The following RBFOX1 variants were observed in gnomAD, a reference collection of about 807,000 sequenced individuals.
RBFOX1 encodes RNA binding protein fox-1 homolog 1.
Under a neutral mutation model 57.7 loss-of-function variants are expected in RBFOX1, and 8 were observed. That is an observed-to-expected ratio of 0.14 (90% confidence interval 0.08 to 0.25). The LOEUF is 0.25. Among genes scored for constraint, RBFOX1 ranks in the 10% least tolerant of loss-of-function variants. The pLI is 1.00. For synonymous variants in RBFOX1, 326 were observed against 222.4 expected (o/e 1.47, Z -4.15); for missense variants, 611 against 548.5 (o/e 1.11, Z -1.14).
intron 3 of RBFOX1, among the ~76,000 whole-genome samples, chr16:6,750,490 C>T (rs1039987232): frequency 6.6e-6 from 1 of 152,190 alleles, no homozygotes; most frequent in African/African-American, 2.4e-5. Context: ...TATTTCTTGA[C>T]ATATGTTTCT....
chr16:6,986,034 C>T (rs1005748600), intron 3 of RBFOX1, among the ~76,000 whole-genome samples: 5 of 151,374 alleles, frequency 3.3e-5, no homozygotes, highest in African/African-American at 9.7e-5. Context: ...TTTAGAGAAC[C>T]TGCATATCTC....
intron 3 of RBFOX1, among the ~76,000 whole-genome samples, chr16:6,813,598 C>T (rs1385218211): frequency 1.3e-5 from 2 of 152,206 alleles, no homozygotes; most frequent in Admixed American, 6.5e-5. Flanking sequence ...AAACCTCTCT[C>T]TCCACAGGTG....
intron 2 of RBFOX1, among the ~76,000 whole-genome samples, chr16:6,497,321 G>C (rs1215992753): frequency 6.6e-6 from 1 of 152,114 alleles, no homozygotes; most frequent in Non-Finnish European, 1.5e-5. Flanking sequence ...GATGCAGTAT[G>C]TTGTTGAGAT....
chr16:6,904,028 CACCT>C (rs892787672), intron 3 of RBFOX1, among the ~76,000 whole-genome samples: 1 of 152,100 alleles, frequency 6.6e-6, no homozygotes, highest in Non-Finnish European at 1.5e-5. Flanking sequence ...CAAATGCCCC[CACCT>C]GAGGTCATAC....
chr16:7,264,202 G>A (rs1444232037), intron 4 of RBFOX1, among the ~76,000 whole-genome samples: 1 of 152,162 alleles, frequency 6.6e-6, no homozygotes, highest in Non-Finnish European at 1.5e-5. Context: ...CCAGTAAACT[G>A]TGTTCCTTCA....
At chr16:6,636,813 A>C (rs1448222931) in intron 2 of RBFOX1, among the ~76,000 whole-genome samples, 1 of 44,252 alleles carries the variant, frequency 2.3e-5, no homozygotes, top group Non-Finnish European at 5.0e-5. Context: ...TATAATATAT[A>C]ATATATAATA....
intron 3 of RBFOX1, among the ~76,000 whole-genome samples, chr16:6,880,383 G>A (rs139240263): frequency 2.6e-3 from 402 of 152,270 alleles, no homozygotes; most frequent in African/African-American, 9.0e-3. Flanking sequence ...TTCAGTCACT[G>A]CAACCCACCG....
chr16:5,782,636 G>T (rs979422907), intron 3 of RBFOX1, among the ~76,000 whole-genome samples: 1 of 152,200 alleles, frequency 6.6e-6, no homozygotes, highest in South Asian at 2.1e-4. Flanking sequence ...ACCAATGGGA[G>T]ATACTGAATG....
chr16:5,789,542 C>T (rs1597260913), intron 3 of RBFOX1, among the ~76,000 whole-genome samples: 1 of 152,288 alleles, frequency 6.6e-6, no homozygotes, highest in East Asian at 1.9e-4. Context: ...TCATCATCAT[C>T]ATCGTCATCA....
At chr16:6,759,473 C>CTGTGTGTG (rs71145287) in intron 3 of RBFOX1, among the ~76,000 whole-genome samples, 36 of 143,182 alleles carry the variant, frequency 2.5e-4, no homozygotes, top group African/African-American at 9.7e-4. Context: ...TGTCAGTTGT[C>CTGTGTGTG]TGTGTGTGTG....
intron 4 of RBFOX1, among the ~76,000 whole-genome samples, chr16:7,165,917 C>G (rs937341514): frequency 7.0e-6 from 1 of 142,222 alleles, no homozygotes; most frequent in Admixed American, 7.4e-5. Flanking sequence ...GCCCCCTGCA[C>G]CCCACCGCAT....
rs74427083 is a variant in RBFOX1 at position 6,085,579 on chromosome 16, G to T, written c.-127+65587G>T. On this transcript the variant is annotated intron_variant, in intron 1 of 15. Coordinates refer to ENST00000550418, the MANE Select transcript of RBFOX1 (RefSeq NM_018723.4). ...CCACTGTGCCCGACCCTCACACCCA[G>T]GTTTTTAGGATACCCTTGGTTCTAT... is the stretch of plus-strand genomic sequence containing the variant. 3.3e-3 allele frequency among the ~76,000 whole-genome samples: 500 copies of T among 152,218 alleles called. 2 individuals carry two copies. Among genetic ancestry groups the T allele is most frequent in the African/African-American group, 0.012 (483 of 41,562 alleles).
chr16:5,260,779 C>G (rs1316116183), intron 1 of RBFOX1: 1 of 152,290 alleles, frequency 6.6e-6, no homozygotes, highest in Non-Finnish European at 1.5e-5. Context: ...TCATCTTCTT[C>G]TCATGCCAGC....
rs571872534 is a variant in RBFOX1 at position 7,293,958 on chromosome 16, C to G, written c.28-224189C>G. ...GCTGGAGATGTTAGAGGTGAAGTCA[C>G]TTCTAGTCAGAAATGCTTAATGACA... On this transcript the variant is annotated intron_variant, in intron 4 of 15. Transcript: ENST00000550418. 2.0e-5 allele frequency among the ~76,000 whole-genome samples: 3 copies of G among 152,218 alleles called. No homozygotes were observed. In the East Asian group the frequency reaches 5.8e-4, roughly 29 times the overall value.
chr16:7,076,245 G>A, intron 4 of RBFOX1, among the ~76,000 whole-genome samples: 1 of 151,508 alleles, frequency 6.6e-6, no homozygotes, highest in East Asian at 2.0e-4. Context: ...TGTTGGCCAG[G>A]ATGGTCTTGA....
intron 2 of RBFOX1, among the ~76,000 whole-genome samples, chr16:5,504,323 C>T (rs1335558853): frequency 6.6e-6 from 1 of 152,242 alleles, no homozygotes; most frequent in African/African-American, 2.4e-5. Flanking sequence ...CTGCCAGGAG[C>T]CTGCTGGGCC....
intron 4 of RBFOX1, among the ~76,000 whole-genome samples, chr16:5,985,956 A>G (rs2060277549): frequency 6.6e-6 from 1 of 152,248 alleles, no homozygotes; most frequent in African/African-American, 2.4e-5. Flanking sequence ...ATCCATTAGT[A>G]TCCACCCGTA....
At chr16:7,252,630 A>G (rs1603449027) in intron 4 of RBFOX1, among the ~76,000 whole-genome samples, 1 of 151,360 alleles carries the variant, frequency 6.6e-6, no homozygotes, top group African/African-American at 2.4e-5. Flanking sequence ...TGAGTGTTTC[A>G]GTTAACCTGC....
intron 3 of RBFOX1, among the ~76,000 whole-genome samples, chr16:6,717,161 C>A (rs111227118): frequency 6.6e-6 from 1 of 152,164 alleles, no homozygotes; most frequent in Non-Finnish European, 1.5e-5. Context: ...GTTTAAGATG[C>A]ACGGTCTATG....
Sources: gnomAD v4.1 joint callset for allele counts (sites outside exome capture counted in the v4.1 genomes callset) on GRCh38, gnomAD v4.1.1 for gene constraint, MANE v1.5 for transcripts, NCBI Gene and HGNC (gene_info 2026-07-23, HGNC 2026-07-21) for gene names.